The following WWOX variants were observed in gnomAD, a reference collection of about 807,000 sequenced individuals.
The protein encoded by WWOX is WW domain-containing oxidoreductase.
Under a neutral mutation model 46.2 loss-of-function variants are expected in WWOX, and 69 were observed. The ratio of observed to expected loss-of-function variants is 1.49; its 90% CI spans 1.23 to 1.82. WWOX has a LOEUF of 1.82. Among genes scored for constraint, WWOX ranks in the 40% most tolerant of loss-of-function variants. WWOX has a pLI of 0.00. For synonymous variants in WWOX, 359 were observed against 202.6 expected (o/e 1.77, Z -6.56); for missense variants, 919 against 542.6 (o/e 1.69, Z -6.89).
intron 8 of WWOX, among the ~76,000 whole-genome samples, chr16:79,177,907 A>T (rs8049330): frequency 2.6e-5 from 4 of 151,902 alleles, no homozygotes; most frequent in South Asian, 4.2e-4. Flanking sequence ...TAATTCTTAA[A>T]GTTCTGGAGC....
At chr16:79,054,651 G>T (rs2048229879) in intron 8 of WWOX, among the ~76,000 whole-genome samples, 1 of 152,048 alleles carries the variant, frequency 6.6e-6, no homozygotes, top group Non-Finnish European at 1.5e-5. Context: ...GTGAGACCTT[G>T]TCTCTATGAA....
At chr16:78,157,882 T>C (rs2034659189) in intron 4 of WWOX, among the ~76,000 whole-genome samples, 1 of 152,216 alleles carries the variant, frequency 6.6e-6, no homozygotes, top group African/African-American at 2.4e-5. Flanking sequence ...GTAAGAGGCA[T>C]AGGACACCAA....
At chr16:78,882,915 G>C (rs1384188038) in intron 8 of WWOX, among the ~76,000 whole-genome samples, 3 of 152,056 alleles carry the variant, frequency 2.0e-5, no homozygotes, top group African/African-American at 7.2e-5. Flanking sequence ...ACAGAGCATA[G>C]CCTGTCTTCC....
chr16:78,906,899 G>C (rs1278969782), intron 8 of WWOX, among the ~76,000 whole-genome samples: 1 of 152,206 alleles, frequency 6.6e-6, no homozygotes, highest in Non-Finnish European at 1.5e-5. Flanking sequence ...TTGTGTGTGT[G>C]TGTCTGTGAA....
chr16:78,862,124 GTCTA>G (rs201164728), intron 8 of WWOX, among the ~76,000 whole-genome samples: 11 of 137,818 alleles, frequency 8.0e-5, no homozygotes, highest in African/African-American at 2.0e-4. Flanking sequence ...CTATGGGTGT[GTCTA>G]TCTATATCTA....
intron 6 of WWOX, among the ~76,000 whole-genome samples, chr16:78,399,094 G>A (rs1280068024): frequency 6.6e-6 from 1 of 151,200 alleles, no homozygotes; most frequent in Non-Finnish European, 1.5e-5. Context: ...TGGATGGAAG[G>A]GGTGGAAGGG....
At chr16:78,300,214 T>C (rs2080015451) in intron 5 of WWOX, among the ~76,000 whole-genome samples, 1 of 152,168 alleles carries the variant, frequency 6.6e-6, no homozygotes, top group Non-Finnish European at 1.5e-5. Flanking sequence ...AAGGTAGTCT[T>C]CAAAACCTAG....
chr16:78,470,476 G>A (rs1171497002), intron 8 of WWOX, among the ~76,000 whole-genome samples: 2 of 152,142 alleles, frequency 1.3e-5, no homozygotes, highest in Admixed American at 1.3e-4. Flanking sequence ...TCATCCTCAT[G>A]GGGAAGCAAG....
At chr16:78,781,572 T>A (rs960929843) in intron 8 of WWOX, among the ~76,000 whole-genome samples, 2 of 152,166 alleles carry the variant, frequency 1.3e-5, no homozygotes, top group Admixed American at 1.3e-4. Context: ...ATTTAAAACA[T>A]GTTTATCTAT....
At chr16:78,933,243 A>C (rs2045662893) in intron 8 of WWOX, among the ~76,000 whole-genome samples, 1 of 152,246 alleles carries the variant, frequency 6.6e-6, no homozygotes, top group Non-Finnish European at 1.5e-5. Context: ...GTTCGAGACC[A>C]GCCTGACCAA....
chr16:78,185,909 A>C (rs1353052759), intron 5 of WWOX, among the ~76,000 whole-genome samples: 3 of 151,932 alleles, frequency 2.0e-5, no homozygotes, highest in Non-Finnish European at 2.9e-5. Context: ...CAAGTGATCC[A>C]CCCGCCTCGG....
At chr16:78,421,902 A>C (rs2082941520) in intron 6 of WWOX, among the ~76,000 whole-genome samples, 1 of 152,232 alleles carries the variant, frequency 6.6e-6, no homozygotes, top group Non-Finnish European at 1.5e-5. Context: ...AATAATGTGA[A>C]TCTTTCAATT....
chr16:78,560,688 T>C (rs574690656), intron 8 of WWOX, among the ~76,000 whole-genome samples: 1 of 152,226 alleles, frequency 6.6e-6, no homozygotes, highest in South Asian at 2.1e-4. Context: ...ATAATGTTAG[T>C]GATACATATC....
At chr16:78,316,075 G>T (rs1331660423) in intron 5 of WWOX, among the ~76,000 whole-genome samples, 1 of 151,328 alleles carries the variant, frequency 6.6e-6, no homozygotes, top group African/African-American at 2.5e-5. Flanking sequence ...GTGAAACCCT[G>T]TCTCTACTGA....
intron 8 of WWOX, among the ~76,000 whole-genome samples, chr16:79,084,627 C>G (rs1260075801): frequency 6.6e-6 from 1 of 152,182 alleles, no homozygotes; most frequent in Admixed American, 6.5e-5. Flanking sequence ...ATTGGTCAGA[C>G]TGGTCTTGGA....
chr16:78,816,271 A>G (rs1018397838), intron 8 of WWOX, among the ~76,000 whole-genome samples: 3 of 152,156 alleles, frequency 2.0e-5, no homozygotes, highest in Non-Finnish European at 4.4e-5. Context: ...CTTTTCTAGC[A>G]TTTGAGTTCC....
At chr16:78,763,959 C>A (rs1288524366) in intron 8 of WWOX, among the ~76,000 whole-genome samples, 1 of 152,146 alleles carries the variant, frequency 6.6e-6, no homozygotes, top group African/African-American at 2.4e-5. Flanking sequence ...CCCCACTCTC[C>A]CTCTGCCCCA....
At chr16:79,158,810 T>C (rs944423708) in intron 8 of WWOX, among the ~76,000 whole-genome samples, 7 of 152,242 alleles carry the variant, frequency 4.6e-5, no homozygotes, top group Non-Finnish European at 8.8e-5. Flanking sequence ...TCGTTTATTT[T>C]GTTGTTTATT....
chr16:78,826,219 C>A (rs559276411), intron 8 of WWOX, among the ~76,000 whole-genome samples: 3 of 152,112 alleles, frequency 2.0e-5, no homozygotes, highest in African/African-American at 7.2e-5. Flanking sequence ...GCCTGGCGTG[C>A]CCTGTAATCA....
Sources: gnomAD v4.1 joint callset for allele counts (sites outside exome capture counted in the v4.1 genomes callset) on GRCh38, gnomAD v4.1.1 for gene constraint, MANE v1.5 for transcripts, NCBI Gene and HGNC (gene_info 2026-07-23, HGNC 2026-07-21) for gene names.